The following RXFP4 variants were observed in gnomAD, a reference collection of about 807,000 sequenced individuals.
RXFP4 encodes relaxin-3 receptor 2.
For missense variants in RXFP4, 425 were observed against 491.3 expected (o/e 0.87, Z 1.28); for synonymous variants, 182 against 218.0 (o/e 0.83, Z 1.45).
chr1:155,941,926 G>A lies in RXFP4; in HGVS notation c.217G>A (p.Gly73Ser), dbSNP rs1356721731. Residue 73 changes from glycine (G) to serine (S), a missense_variant, in exon 1 of 1, where the codon GGC becomes AGC. Coordinates refer to ENST00000368318, the MANE Select transcript of RXFP4 (RefSeq NM_181885.3). ...VLSNCARRAPGPPSDTFVFNL... is the reference protein window; with the variant it reads ...VLSNCARRAPSPPSDTFVFNL... ...GAGTAACTGTGCCCGGAGAGCCCCTGGCCCACCTTCAGACACCTTCGTCTT... is the reference window on the plus strand; with the variant it reads ...GAGTAACTGTGCCCGGAGAGCCCCTAGCCCACCTTCAGACACCTTCGTCTT... The A allele has an allele frequency of 2.5e-6, 4 of 1,614,050 alleles. No individual in the cohort carries two copies. The highest frequency in any genetic ancestry group is 3.4e-6 in the Non-Finnish European group (4 of 1,180,048).
chr1:155,941,656 G>C lies in RXFP4; in HGVS notation c.-54G>C. ...AGCCTTCAGTGGCCTCTGCCAGTCTGGCAGACACTTGCAGACCTCTCTTCT... is the reference window on the plus strand; with the variant it reads ...AGCCTTCAGTGGCCTCTGCCAGTCTCGCAGACACTTGCAGACCTCTCTTCT... On this transcript the variant is annotated 5_prime_UTR_variant, in exon 1 of 1. Transcript: ENST00000368318. The C allele has an allele frequency of 6.4e-7, 1 of 1,568,838 alleles. No individual in the cohort carries two copies. Among genetic ancestry groups the C allele is most frequent in the Non-Finnish European group, 8.7e-7 (1 of 1,150,222 alleles).
chr1:155,942,725 T>A lies in RXFP4; in HGVS notation c.1016T>A (p.Val339Glu). ...CTGTGGCCCCAGGGCGGAGGCTGGG[T>A]GCAACAGGTGGCCCTAAAGCAGGTA... ...LRLWPQGGGW[V>E]QQVALKQVGR... Residue 339 changes from valine to glutamate, a missense_variant, in exon 1 of 1, where the codon GTG (valine) becomes GAG (glutamate). Physicochemically the swap from Val to Glu is moderately radical, Grantham distance 121 (BLOSUM62 -2). Coordinates refer to ENST00000368318, the MANE Select transcript of RXFP4 (RefSeq NM_181885.3). This position sits in a 1 kb window ranked among gnomAD's most constrained non-coding sequence, Gnocchi z 5.2. The A allele has an allele frequency of 6.2e-7, 1 of 1,605,160 alleles. No homozygotes were observed. Among genetic ancestry groups the A allele is most frequent in the Non-Finnish European group, 8.5e-7 (1 of 1,178,998 alleles).
chr1:155,942,564 T>C lies in RXFP4; in HGVS notation c.855T>C (p.Thr285=), dbSNP rs753826285. 1.9e-6 allele frequency: 3 copies of C among 1,614,172 alleles called. No homozygotes were observed. The stretch of plus-strand genomic sequence containing the variant: ...TGCCCTGGAACAGTACTTTCTATAC[T>C]ATCCAGACGTATGTCTTCCCTGTCA... ...DLVPWNSTFY[T]IQTYVFPVTT... The change falls in exon 1 of 1, where the codon ACT becomes ACC. Residue 285 remains threonine (T), a synonymous_variant. Coordinates refer to ENST00000368318, the MANE Select transcript of RXFP4 (RefSeq NM_181885.3). The surrounding 1 kb of genome is among the most constrained non-coding windows in gnomAD (Gnocchi z 5.2).
At position 155,942,931 on chromosome 1, in the gene RXFP4, C is replaced by T; in HGVS notation, c.*97C>T. 1.6e-6 allele frequency: 2 copies of T among 1,236,862 alleles called. No individual in the cohort carries two copies. The highest frequency in any genetic ancestry group is 2.2e-6 in the Non-Finnish European group (2 of 927,574). The allele number at this position is 1,236,862 out of a possible 1,614,324, so 76.6% of individuals were successfully genotyped here. A position where few individuals can be genotyped will look rare whatever the true frequency, so the allele number is the denominator to read the frequency against. On this transcript the variant is annotated 3_prime_UTR_variant, in exon 1 of 1. Coordinates refer to ENST00000368318, the MANE Select transcript of RXFP4 (RefSeq NM_181885.3). This position sits in a 1 kb window ranked among gnomAD's most constrained non-coding sequence, Gnocchi z 5.2. ...CTGCCCTCTCTGCCAGGCTGCAGTG[C>T]CCTCAGGGAAAAGTCTGATCTTTGA...
In RXFP4 at chr1:155,941,755, G is replaced by A. The variant is rs140938499; in HGVS notation, c.46G>A (p.Ala16Thr). 6 of 1,614,076 alleles carry A rather than the reference G, an allele frequency of 3.7e-6. No individual in the cohort carries two copies. The African/African-American group carries it at 5.3e-5, about 14-fold the overall frequency. Residue 16 changes from alanine to threonine, a missense_variant, in exon 1 of 1, where the codon GCC (alanine) becomes ACC (threonine). Transcript: ENST00000368318. Reference protein sequence around the residue: ...TSASPPTFFWANASGGSVLSA... With the variant: ...TSASPPTFFWTNASGGSVLSA... ...TGCCTCTCCACCCACATTCTTCTGGGCCAATGCCTCCGGAGGCAGTGTGCT... is the reference window on the plus strand; with the variant it reads ...TGCCTCTCCACCCACATTCTTCTGGACCAATGCCTCCGGAGGCAGTGTGCT...
chr1:155,942,138 G>A lies in RXFP4; in HGVS notation c.429G>A (p.Val143=). 6.2e-7 allele frequency: 1 copy of A among 1,613,650 alleles called. No individual in the cohort carries two copies. Among genetic ancestry groups the A allele is most frequent in the Non-Finnish European group, 8.5e-7 (1 of 1,179,972 alleles). ...TALSVARYWV[V]AMAAGPGTHL... is the part of the protein sequence containing the mutation. ...TGAGCGTTGCTCGCTACTGGGTGGTGGCCATGGCTGCGGGGCCAGGCACCC... is the reference window on the plus strand; with the variant it reads ...TGAGCGTTGCTCGCTACTGGGTGGTAGCCATGGCTGCGGGGCCAGGCACCC... The change falls in exon 1 of 1, where the codon GTG becomes GTA. Residue 143 remains valine, a synonymous_variant. Transcript: ENST00000368318. The surrounding 1 kb of genome is among the most constrained non-coding windows in gnomAD (Gnocchi z 5.2).
chr1:155,942,305 A>G lies in RXFP4; in HGVS notation c.596A>G (p.Tyr199Cys). 6.3e-7 allele frequency: 1 copy of G among 1,592,654 alleles called. No homozygotes were observed. Among genetic ancestry groups the G allele is most frequent in the Non-Finnish European group, 8.6e-7 (1 of 1,166,416 alleles). ...RLCLLRFPSR[Y>C]WLGAYQLQRV... ...TGCCTGCTGCGTTTCCCCAGCAGGTACTGGCTGGGGGCCTACCAGCTGCAG... is the reference window on the plus strand; with the variant it reads ...TGCCTGCTGCGTTTCCCCAGCAGGTGCTGGCTGGGGGCCTACCAGCTGCAG... Residue 199 changes from tyrosine (Y) to cysteine (C), a missense_variant, in exon 1 of 1, where the codon TAC (tyrosine) becomes TGC (cysteine). Transcript: ENST00000368318. This position sits in a 1 kb window ranked among gnomAD's most constrained non-coding sequence, Gnocchi z 5.2.
rs1674332504 is a variant in RXFP4 at position 155,942,500 on chromosome 1, T to C, written c.791T>C (p.Val264Ala). 11 of 1,612,474 alleles carry C rather than the reference T, an allele frequency of 6.8e-6. No homozygotes were observed. In the South Asian group the frequency reaches 1.1e-4, roughly 16 times the overall value. Residue 264 changes from valine (V) to alanine (A), a missense_variant, in exon 1 of 1, where the codon GTG (valine) becomes GCG (alanine). Transcript: ENST00000368318. This position sits in a 1 kb window ranked among gnomAD's most constrained non-coding sequence, Gnocchi z 5.2. ...SFFLCWFPNH[V>A]VTLWGVLVKF... is the part of the protein sequence containing the mutation. ...TTCCTCTGCTGGTTTCCCAACCATG[T>C]GGTCACTCTCTGGGGTGTCCTGGTG...
chr1:155,942,719 G>T lies in RXFP4; in HGVS notation c.1010G>T (p.Gly337Val), dbSNP rs748985812. The change falls in exon 1 of 1, where the codon GGC becomes GTC. Residue 337 changes from glycine (G) to valine (V), a missense_variant. Transcript: ENST00000368318. The surrounding 1 kb of genome is among the most constrained non-coding windows in gnomAD (Gnocchi z 5.2). ...LRLRLWPQGG[G>V]WVQQVALKQV... The stretch of plus-strand genomic sequence containing the variant: ...TTGAGGCTGTGGCCCCAGGGCGGAG[G>T]CTGGGTGCAACAGGTGGCCCTAAAG... 6.8e-6 allele frequency: 11 copies of T among 1,606,528 alleles called. No homozygotes were observed. The highest frequency in any genetic ancestry group is 9.3e-6 in the Non-Finnish European group (11 of 1,179,294).
rs773126950 is a variant in RXFP4, at chr1:155,942,545, G to A, written c.836G>A (p.Trp279Ter). 1.9e-6 allele frequency: 3 copies of A among 1,614,022 alleles called. No homozygotes were observed. In the East Asian group the frequency reaches 6.7e-5, roughly 36 times the overall value. ...GVLVKFDLVP[W>*]NSTFYTIQTY... ...CTGGTGAAGTTTGACCTGGTGCCCT[G>A]GAACAGTACTTTCTATACTATCCAG... is the stretch of plus-strand genomic sequence containing the variant. Residue 279 changes from tryptophan (W) to a stop codon, truncating the protein, a stop_gained, in exon 1 of 1, where the codon TGG becomes TAG. Coordinates refer to ENST00000368318, the MANE Select transcript of RXFP4 (RefSeq NM_181885.3). LOFTEE classifies it low-confidence loss of function (END_TRUNC). The surrounding 1 kb of genome is among the most constrained non-coding windows in gnomAD (Gnocchi z 5.2).
rs1054023615 is a variant in RXFP4, at chr1:155,943,017, CAAA to C, written c.*184_*186del. On this transcript the variant is annotated 3_prime_UTR_variant, in exon 1 of 1. Transcript: ENST00000368318. ...GGGCTCAGATCAGAGCTGGATGTGA[CAAA>C]GCTTAAGTCTTTATTTGGAGATGGG... 7.9e-6 allele frequency: 4 copies of C among 509,376 alleles called. No homozygotes were observed. The highest frequency in any genetic ancestry group is 7.8e-5 in the African/African-American group (4 of 51,568). The allele number at this position is 509,376 out of a possible 1,614,324, so 31.6% of individuals were successfully genotyped here.
chr1:155,941,904 T>C lies in RXFP4; in HGVS notation c.195T>C (p.Ser65=). The C allele has an allele frequency of 6.2e-7, 1 of 1,614,016 alleles. No homozygotes were observed. Among genetic ancestry groups the C allele is most frequent in the Non-Finnish European group, 8.5e-7 (1 of 1,180,002 alleles). Residue 65 remains serine (S), a synonymous_variant, in exon 1 of 1, where the codon AGT becomes AGC. Transcript: ENST00000368318. The part of the protein sequence containing the change: ...LGNLAVLWVL[S]NCARRAPGPP... ...ATTTGGCGGTGCTGTGGGTACTGAG[T>C]AACTGTGCCCGGAGAGCCCCTGGCC...
rs775521258 is a variant in RXFP4 at position 155,942,837 on chromosome 1, G to T, written c.*3G>T. 3 of 1,503,744 alleles carry T rather than the reference G, an allele frequency of 2.0e-6. No homozygotes were observed. In the African/African-American group the frequency reaches 4.2e-5, roughly 21 times the overall value. The allele number at this position is 1,503,744 out of a possible 1,614,324, so 93.2% of individuals were successfully genotyped here. On this transcript the variant is annotated 3_prime_UTR_variant, in exon 1 of 1. Coordinates refer to ENST00000368318, the MANE Select transcript of RXFP4 (RefSeq NM_181885.3). This position sits in a 1 kb window ranked among gnomAD's most constrained non-coding sequence, Gnocchi z 5.2. ...TGGACAGAGGGACACCCGGGTGAAGGGCGCAAGCTGAACACACTCCTCTTT... is the reference window on the plus strand; with the variant it reads ...TGGACAGAGGGACACCCGGGTGAAGTGCGCAAGCTGAACACACTCCTCTTT...
Position 155,941,973 on chromosome 1 carries a change from G to T in RXFP4, c.264G>T (p.Leu88=). 2 of 1,614,090 alleles carry T rather than the reference G, an allele frequency of 1.2e-6. No individual in the cohort carries two copies. Among genetic ancestry groups the T allele is most frequent in the Non-Finnish European group, 1.7e-6 (2 of 1,180,040 alleles). The change falls in exon 1 of 1, where the codon CTG becomes CTT. Residue 88 remains leucine, a synonymous_variant. Coordinates refer to ENST00000368318, the MANE Select transcript of RXFP4 (RefSeq NM_181885.3). ...TCTTCAACCTGGCTCTGGCGGACCT[G>T]GGACTGGCACTCACTCTCCCCTTTT... The part of the protein sequence containing the change: ...TFVFNLALAD[L]GLALTLPFWA...
chr1:155,942,693 GTTGAGGC>G lies in RXFP4; in HGVS notation c.986_992del (p.Leu329CysfsTer14). The G allele has an allele frequency of 6.2e-7, 1 of 1,612,340 alleles. No individual in the cohort carries two copies. Among genetic ancestry groups the G allele is most frequent in the Non-Finnish European group, 8.5e-7 (1 of 1,179,864 alleles). On this transcript the variant is annotated frameshift_variant, in exon 1 of 1. Transcript: ENST00000368318. LOFTEE classifies it low-confidence loss of function (END_TRUNC). The surrounding 1 kb of genome is among the most constrained non-coding windows in gnomAD (Gnocchi z 5.2). ...TGGCAGGCACCTTCAGGGATCTGCG[GTTGAGGC>G]TGTGGCCCCAGGGCGGAGGCTGGGT...
Position 155,942,381 on chromosome 1 carries a change from C to CCTG in RXFP4, c.682_684dup (p.Leu228dup). ...CCTTGGGCGTCATCACCACCAGCTA[C>CCTG]CTGCTGCTGCTGGCCTTCCTGCAGC... On this transcript the variant is annotated inframe_insertion, in exon 1 of 1. Coordinates refer to ENST00000368318, the MANE Select transcript of RXFP4 (RefSeq NM_181885.3). The surrounding 1 kb of genome is among the most constrained non-coding windows in gnomAD (Gnocchi z 5.2). 1.9e-6 allele frequency: 3 copies of CCTG among 1,553,916 alleles called. No individual in the cohort carries two copies. Among genetic ancestry groups the CCTG allele is most frequent in the Non-Finnish European group, 2.6e-6 (3 of 1,147,084 alleles).
Position 155,942,264 on chromosome 1 carries a change from G to A in RXFP4, c.555G>A (p.Val185=), listed in dbSNP as rs186594396. 1 of 1,612,630 alleles carries A rather than the reference G, an allele frequency of 6.2e-7. No homozygotes were observed. Among genetic ancestry groups the A allele is most frequent in the Admixed American group, 1.7e-5 (1 of 59,858 alleles). Residue 185 remains valine, a synonymous_variant, in exon 1 of 1, where the codon GTG becomes GTA. Coordinates refer to ENST00000368318, the MANE Select transcript of RXFP4 (RefSeq NM_181885.3). This position sits in a 1 kb window ranked among gnomAD's most constrained non-coding sequence, Gnocchi z 5.2. ...PTAVFGVEGE[V]CGVRLCLLRF... ...CTGTCTTCGGGGTGGAGGGTGAGGT[G>A]TGTGGTGTGCGCCTTTGCCTGCTGC...
Position 155,942,455 on chromosome 1 carries a change from G to A in RXFP4, c.746G>A (p.Arg249His), listed in dbSNP as rs758401880. 7.5e-6 allele frequency: 12 copies of A among 1,591,960 alleles called. No homozygotes were observed. The highest frequency in any genetic ancestry group is 5.1e-5 in the Admixed American group (3 of 58,842). ...QDSRVVARSV[R>H]ILVASFFLCW... Reference sequence around the variant, plus strand: ...AGCAGGGTCGTGGCCCGCTCTGTCCGCATCCTGGTGGCTTCCTTCTTCCTC... The same window carrying A: ...AGCAGGGTCGTGGCCCGCTCTGTCCACATCCTGGTGGCTTCCTTCTTCCTC... The change falls in exon 1 of 1, where the codon CGC (arginine) becomes CAC (histidine). Residue 249 changes from arginine (R) to histidine (H), a missense_variant. Transcript: ENST00000368318. The surrounding 1 kb of genome is among the most constrained non-coding windows in gnomAD (Gnocchi z 5.2).
chr1:155,941,660 G>A lies in RXFP4; in HGVS notation c.-50G>A. ...TTCAGTGGCCTCTGCCAGTCTGGCAGACACTTGCAGACCTCTCTTCTCAGC... is the reference window on the plus strand; with the variant it reads ...TTCAGTGGCCTCTGCCAGTCTGGCAAACACTTGCAGACCTCTCTTCTCAGC... On this transcript the variant is annotated 5_prime_UTR_variant, in exon 1 of 1. Transcript: ENST00000368318. 6.3e-7 allele frequency: 1 copy of A among 1,576,094 alleles called. No homozygotes were observed. Among genetic ancestry groups the A allele is most frequent in the Non-Finnish European group, 8.7e-7 (1 of 1,155,550 alleles).
Sources: allele counts gnomAD v4.1 joint callset, GRCh38; gene constraint gnomAD v4.1.1; non-coding constraint Gnocchi (gnomAD v3.1); transcripts MANE v1.5; gene names NCBI Gene and HGNC (gene_info 2026-07-23, HGNC 2026-07-21).